PSMA1: variants seen among roughly 807,000 people sequenced by gnomAD.
PSMA1 encodes the protein proteasome 20S subunit alpha 1.
In PSMA1, 3 loss-of-function variants were observed where a neutral mutation model predicts 38.4. That is an observed-to-expected ratio of 0.08 (90% CI 0.04 to 0.20). The LOEUF is 0.20. PSMA1 is among the 10% of genes least tolerant of loss of function. The pLI is 1.00. For missense variants in PSMA1, 227 were observed against 325.3 expected (o/e 0.70, Z 2.32); for synonymous variants, 101 against 107.1 (o/e 0.94, Z 0.35).
At chr11:14,584,495 TTTTTGTTTTTTG>T in intron 2 of PSMA1, among the ~76,000 whole-genome samples, 1 of 147,168 alleles carries the variant, frequency 6.8e-6, no homozygotes, top group Non-Finnish European at 1.5e-5. Context: ...TGGAGTGTTT[TTTTTGTTTTTTG>T]TTTTTTTTTT....
intron 2 of PSMA1, among the ~76,000 whole-genome samples, chr11:14,526,909 G>GC (rs1212560929): frequency 6.6e-6 from 1 of 152,188 alleles, no homozygotes; most frequent in South Asian, 2.1e-4. Context: ...CTACCACTCT[G>GC]CCCCCCTCCA....
intron 1 of PSMA1, among the ~76,000 whole-genome samples, chr11:14,618,660 T>A (rs967181733): frequency 6.6e-6 from 1 of 152,216 alleles, no homozygotes; most frequent in African/African-American, 2.4e-5. Context: ...TGCATTACAT[T>A]ATAGACAAAT....
intron 8 of PSMA1, among the ~76,000 whole-genome samples, chr11:14,509,632 C>A (rs1037713499): frequency 5.3e-5 from 8 of 151,668 alleles, no homozygotes; most frequent in African/African-American, 1.7e-4. Context: ...AACTCCTGAT[C>A]TCAAGTGATC....
intron 2 of PSMA1, among the ~76,000 whole-genome samples, chr11:14,589,361 A>ATG (rs1393081532): frequency 8.9e-4 from 117 of 132,002 alleles, no homozygotes; most frequent in African/African-American, 3.0e-3. Flanking sequence ...GTATATATAT[A>ATG]TATATGTGTG....
At chr11:14,548,835 T>G (rs1414315777) in intron 2 of PSMA1, among the ~76,000 whole-genome samples, 3 of 152,216 alleles carry the variant, frequency 2.0e-5, no homozygotes, top group African/African-American at 7.2e-5. Flanking sequence ...TTGACCTACT[T>G]TCCCTCACAC....
At chr11:14,507,453 A>C in intron 9 of PSMA1, 1 of 474,958 alleles carries the variant, frequency 2.1e-6, no homozygotes, top group Non-Finnish European at 3.7e-6. Flanking sequence ...GGCATGAGCC[A>C]CCGCACCCGG....
chr11:14,544,485 C>T (rs1851805308), intron 2 of PSMA1, among the ~76,000 whole-genome samples: 1 of 152,104 alleles, frequency 6.6e-6, no homozygotes, highest in African/African-American at 2.4e-5. Context: ...AATAAAAAGA[C>T]AACCCAATTA....
At position 14,507,208 on chromosome 11, in the gene PSMA1, G is replaced by A. The variant is rs758948720; in HGVS notation, c.735+448C>T. Among the ~76,000 whole-genome samples the A allele has an allele frequency of 3.7e-4, 56 of 149,894 alleles. No individual in the cohort carries two copies. In the South Asian group the frequency reaches 6.5e-3, roughly 17 times the overall value. On this transcript the variant is annotated intron_variant, in intron 9 of 9. Coordinates refer to ENST00000396394, the MANE Select transcript of PSMA1 (RefSeq NM_002786.4). ...TTTTGAGACAGAGTCTCTCTCTGTC[G>A]CCCAGGCTGGAGGGCAGTGGTAGGA...
rs552770453 is a variant in PSMA1, at chr11:14,519,042, CTAAAAG to C, written c.4-7_4-2del. The C allele has an allele frequency of 5.5e-4, 873 of 1,581,644 alleles. 5 individuals carry two copies. In the African/African-American group the frequency reaches 8.0e-3, roughly 14 times the overall value. On this transcript the variant is annotated splice_acceptor_variant and splice_polypyrimidine_tract_variant and intron_variant, in intron 1 of 9. Coordinates refer to ENST00000396394, the MANE Select transcript of PSMA1 (RefSeq NM_002786.4). LOFTEE classifies it high-confidence loss of function. ...CATCATTGTCATACTGATTTCGAAA[CTAAAAG>C]TAAAAGAAAAAAATACCTGTTAATA... is the stretch of plus-strand genomic sequence containing the variant.
At chr11:14,508,146 C>A (rs1004824767) in intron 8 of PSMA1, among the ~76,000 whole-genome samples, 3 of 152,138 alleles carry the variant, frequency 2.0e-5, no homozygotes, top group African/African-American at 7.2e-5. Flanking sequence ...TCAAGTAGGC[C>A]TTAGTGGTTC....
At chr11:14,520,085 A>C in intron 1 of PSMA1, 1 of 694,756 alleles carries the variant, frequency 1.4e-6, no homozygotes, top group East Asian at 2.7e-5. Context: ...CTCCCCGGGA[A>C]GCGAAAGCGG....
chr11:14,592,181 G>A (rs1235051235), intron 2 of PSMA1, among the ~76,000 whole-genome samples: 1 of 151,932 alleles, frequency 6.6e-6, no homozygotes, highest in Non-Finnish European at 1.5e-5. Flanking sequence ...CTCCAGACGC[G>A]CCACCTTAAC....
At chr11:14,591,298 C>T (rs560798692) in intron 2 of PSMA1, among the ~76,000 whole-genome samples, 96 of 152,336 alleles carry the variant, frequency 6.3e-4, no homozygotes, top group Admixed American at 3.1e-3. Flanking sequence ...GCTGGCTTCC[C>T]GAGGGGCAGG....
rs1336500157 is a variant in PSMA1 at position 14,595,090 on chromosome 11, C to A, written c.21+15876G>T. On this transcript the variant is annotated intron_variant, in intron 2 of 10. Coordinates refer to the PSMA1 transcript ENST00000418988. ...TCCCTGCAAAGGACATGAACTCATC[C>A]TTTTTTATGGCTGCATAGTATTCCA... Among the ~76,000 whole-genome samples the A allele has an allele frequency of 4.6e-5, 7 of 152,252 alleles. No homozygotes were observed. In the East Asian group the frequency reaches 1.3e-3, roughly 29 times the overall value.
chr11:14,611,609 C>T (rs775810441), intron 1 of PSMA1, among the ~76,000 whole-genome samples: 26 of 152,128 alleles, frequency 1.7e-4, no homozygotes, highest in Non-Finnish European at 3.5e-4. Flanking sequence ...AGCCTGTCTC[C>T]GATATGGAAC....
chr11:14,627,865 A>G (rs1852934893), intron 1 of PSMA1, among the ~76,000 whole-genome samples: 2 of 152,188 alleles, frequency 1.3e-5, no homozygotes, highest in African/African-American at 4.8e-5. Flanking sequence ...CCTTTAAGAC[A>G]GATTTTAAAT....
chr11:14,555,810 AC>A (rs1286633317), intron 2 of PSMA1, among the ~76,000 whole-genome samples: 3 of 152,202 alleles, frequency 2.0e-5, no homozygotes, highest in African/African-American at 7.2e-5. Flanking sequence ...TCACAGATGA[AC>A]TGCTTGATGT....
At chr11:14,612,165 G>A (rs1852718031) in intron 1 of PSMA1, among the ~76,000 whole-genome samples, 1 of 152,194 alleles carries the variant, frequency 6.6e-6, no homozygotes, top group Non-Finnish European at 1.5e-5. Flanking sequence ...ATGATGTGGT[G>A]TGAAGTTTTA....
chr11:14,532,604 CAAA>C (rs1426581772), intron 2 of PSMA1, among the ~76,000 whole-genome samples: 3 of 87,150 alleles, frequency 3.4e-5, no homozygotes. Flanking sequence ...GACTCCGTCT[CAAA>C]AAAAAAAAAA....
Sources: allele counts gnomAD v4.1 joint callset (sites outside exome capture counted in the v4.1 genomes callset), GRCh38; gene constraint gnomAD v4.1.1; transcripts MANE v1.5; gene names NCBI Gene and HGNC (gene_info 2026-07-23, HGNC 2026-07-21).